SLC9A9: variants seen among roughly 807,000 people sequenced by gnomAD.
SLC9A9 encodes the protein sodium/hydrogen exchanger 9.
In SLC9A9, 62 loss-of-function variants were observed where a neutral mutation model predicts 77.8. The ratio of observed to expected loss-of-function variants is 0.80; its 90% CI spans 0.65 to 0.98. SLC9A9 has a LOEUF of 0.98. SLC9A9 is among the 50% of genes least tolerant of loss of function. The probability of loss-of-function intolerance (pLI) is 0.00; values close to 1 mark genes in which losing one functional copy is unlikely to be tolerated. For missense variants in SLC9A9, 775 were observed against 774.9 expected (o/e 1.00, Z 0.00); for synonymous variants, 320 against 283.5 (o/e 1.13, Z -1.29).
rs964649998 is a variant in SLC9A9, at chr3:143,404,249, C to T, written c.1470-22135G>A. On this transcript the variant is annotated intron_variant, in intron 12 of 15. Coordinates refer to ENST00000316549, the MANE Select transcript of SLC9A9 (RefSeq NM_173653.4). ...AGCGCAGTGGCGTGATCTGAGCTCA[C>T]TGCAACTTCTGCCTCCTGGGTTTGA... is the stretch of plus-strand genomic sequence containing the variant. Among the ~76,000 whole-genome samples the T allele has an allele frequency of 5.9e-5, 9 of 151,396 alleles. No individual in the cohort carries two copies. The East Asian group carries it at 7.8e-4, about 13-fold the overall frequency.
At chr3:143,699,925 C>G (rs530535657) in intron 4 of SLC9A9, among the ~76,000 whole-genome samples, 1 of 151,806 alleles carries the variant, frequency 6.6e-6, no homozygotes, top group South Asian at 2.1e-4. Flanking sequence ...AAAAGAGATC[C>G]CTTCCTTCTG....
intron 2 of SLC9A9, among the ~76,000 whole-genome samples, chr3:143,824,253 C>T (rs925611701): frequency 6.6e-6 from 1 of 151,564 alleles, no homozygotes; most frequent in African/African-American, 2.4e-5. Context: ...ACAAAATGAT[C>T]TTAGAATATT....
chr3:143,517,412 T>C, intron 9 of SLC9A9: 1 of 1,553,186 alleles, frequency 6.4e-7, no homozygotes, highest in Non-Finnish European at 8.8e-7. Flanking sequence ...TGCTCCTGAC[T>C]GTCGTCTGGC....
intron 9 of SLC9A9, among the ~76,000 whole-genome samples, chr3:143,527,432 G>T (rs893667881): frequency 6.6e-6 from 1 of 152,168 alleles, no homozygotes; most frequent in Non-Finnish European, 1.5e-5. Context: ...GTAGCACAAG[G>T]TTGAAGGAAC....
chr3:143,540,260 A>G (rs1054077401), intron 9 of SLC9A9, among the ~76,000 whole-genome samples: 4 of 152,334 alleles, frequency 2.6e-5, no homozygotes, highest in Non-Finnish European at 2.9e-5. Context: ...AATGCTGATG[A>G]ATCCTGAAGA....
At chr3:143,360,628 T>C (rs1051633078) in intron 14 of SLC9A9, among the ~76,000 whole-genome samples, 15 of 152,230 alleles carry the variant, frequency 9.9e-5, no homozygotes, top group African/African-American at 3.6e-4. Flanking sequence ...CTGTAGTTTT[T>C]GGAAAACTTT....
chr3:143,584,968 G>C (rs1303831653), intron 6 of SLC9A9, among the ~76,000 whole-genome samples: 3 of 152,212 alleles, frequency 2.0e-5, no homozygotes, highest in Admixed American at 6.5e-5. Flanking sequence ...GCCTGGAGGA[G>C]GGCTGGGGAG....
At chr3:143,313,184 C>G (rs1349192083) in intron 14 of SLC9A9, 1 of 152,238 alleles carries the variant, frequency 6.6e-6, no homozygotes, top group East Asian at 1.9e-4. Flanking sequence ...GTGGCCACTT[C>G]CGTGGTTGTT....
At chr3:143,698,747 C>T (rs1042248251) in intron 4 of SLC9A9, among the ~76,000 whole-genome samples, 1 of 152,092 alleles carries the variant, frequency 6.6e-6, no homozygotes, top group Non-Finnish European at 1.5e-5. Flanking sequence ...ATAGATCACC[C>T]GAAAAGGCAG....
At chr3:143,721,475 T>G (rs1200984924) in intron 4 of SLC9A9, among the ~76,000 whole-genome samples, 1 of 152,108 alleles carries the variant, frequency 6.6e-6, no homozygotes, top group Admixed American at 6.5e-5. Context: ...CTCTGAAATC[T>G]CGGTGGTGCC....
intron 1 of SLC9A9, among the ~76,000 whole-genome samples, chr3:143,843,445 C>CCA (rs2009755403): frequency 6.6e-6 from 1 of 152,194 alleles, no homozygotes; most frequent in Admixed American, 6.5e-5. Context: ...ATTTGTCCTA[C>CCA]TTAACTGTTA....
At chr3:143,341,034 TC>T (rs2032081644) in intron 14 of SLC9A9, among the ~76,000 whole-genome samples, 2 of 152,198 alleles carry the variant, frequency 1.3e-5, no homozygotes, top group East Asian at 3.9e-4. Context: ...TCTAAAGAAA[TC>T]TTTAAAATTT....
At chr3:143,323,351 T>C (rs567438394) in intron 14 of SLC9A9, among the ~76,000 whole-genome samples, 2 of 152,216 alleles carry the variant, frequency 1.3e-5, no homozygotes, top group African/African-American at 2.4e-5. Flanking sequence ...ATAAAGTAAA[T>C]GTGGTGTATA....
At chr3:143,282,608 A>G (rs563657070) in intron 14 of SLC9A9, among the ~76,000 whole-genome samples, 12 of 152,314 alleles carry the variant, frequency 7.9e-5, no homozygotes, top group Middle Eastern at 6.8e-3. Context: ...CAGAGCATCA[A>G]TTCTGCCCTT....
intron 2 of SLC9A9, among the ~76,000 whole-genome samples, chr3:143,799,023 C>A (rs2008472179): frequency 6.6e-6 from 1 of 152,210 alleles, no homozygotes; most frequent in Non-Finnish European, 1.5e-5. Flanking sequence ...CACACCTGGT[C>A]TGGCTTACGG....
chr3:143,765,109 C>T (rs1295388860), intron 4 of SLC9A9, among the ~76,000 whole-genome samples: 2 of 147,094 alleles, frequency 1.4e-5, no homozygotes, highest in Non-Finnish European at 3.0e-5. Context: ...TTCTTTCCCT[C>T]TTTTTCTTTC....
chr3:143,822,135 T>A (rs2009182419), intron 2 of SLC9A9, among the ~76,000 whole-genome samples: 1 of 152,222 alleles, frequency 6.6e-6, no homozygotes, highest in Non-Finnish European at 1.5e-5. Flanking sequence ...CTCTGAGGGC[T>A]CATTCTAGCT....
intron 4 of SLC9A9, among the ~76,000 whole-genome samples, chr3:143,772,610 C>T (rs1004380147): frequency 6.6e-6 from 1 of 152,174 alleles, no homozygotes; most frequent in African/African-American, 2.4e-5. Context: ...TAGCCACTAC[C>T]ATAGCACTTA....
At chr3:143,487,498 C>T (rs2035673651) in intron 11 of SLC9A9, among the ~76,000 whole-genome samples, 1 of 151,756 alleles carries the variant, frequency 6.6e-6, no homozygotes. Context: ...GAGACATTTT[C>T]CAGGATAGAT....
Sources: allele counts gnomAD v4.1 joint callset (sites outside exome capture counted in the v4.1 genomes callset), GRCh38; gene constraint gnomAD v4.1.1; transcripts MANE v1.5; gene names NCBI Gene and HGNC (gene_info 2026-07-23, HGNC 2026-07-21).